The following RFX6 variants were observed in gnomAD, a reference collection of about 807,000 sequenced individuals.
The protein encoded by RFX6 is DNA-binding protein RFX6.
RFX6 carries 50 observed loss-of-function variants against 110.8 expected under a neutral mutation model. The ratio of observed to expected loss-of-function variants is 0.45; its 90% CI spans 0.36 to 0.57. RFX6 has a LOEUF of 0.57. Among genes scored for constraint, RFX6 ranks in the 20% least tolerant of loss-of-function variants. RFX6 has a pLI of 0.00. For synonymous variants in RFX6, 383 were observed against 411.2 expected (o/e 0.93, Z 0.83); for missense variants, 990 against 1,127.0 (o/e 0.88, Z 1.74).
intron 6 of RFX6, among the ~76,000 whole-genome samples, chr6:116,901,765 A>G (rs1775079412): frequency 6.6e-6 from 1 of 152,154 alleles, no homozygotes; most frequent in South Asian, 2.1e-4. Flanking sequence ...AGGAATATGG[A>G]CCAAAGGAAC....
Position 116,931,788 on chromosome 6 carries a change from GA to G in RFX6, c.*284del, listed in dbSNP as rs771897196. The G allele has an allele frequency of 6.5e-5, 20 of 306,140 alleles. No homozygotes were observed. The highest frequency in any genetic ancestry group is 1.7e-4 in the African/African-American group (8 of 46,294). The allele number at this position is 306,140 out of a possible 1,614,324, so 19.0% of individuals were successfully genotyped here. ...CTGAAGATGCAAACATTTCAACTAT[GA>G]AGATTTACATTTCACTTTCTAATTT... On this transcript the variant is annotated 3_prime_UTR_variant, in exon 19 of 19. Transcript: ENST00000332958.
chr6:116,893,299 T>G (rs1036655305), intron 4 of RFX6, among the ~76,000 whole-genome samples: 1 of 152,096 alleles, frequency 6.6e-6, no homozygotes, highest in African/African-American at 2.4e-5. Flanking sequence ...ATGTCAAGAG[T>G]TTGTGACTTA....
intron 6 of RFX6, among the ~76,000 whole-genome samples, chr6:116,909,433 T>C (rs1352146321): frequency 2.0e-5 from 3 of 152,002 alleles, no homozygotes; most frequent in Non-Finnish European, 4.4e-5. Context: ...TCTTGTTTCC[T>C]ATATTATTTT....
At chr6:116,882,317 A>G (rs1381419847) in intron 3 of RFX6, 50 bp from the exon 4 acceptor site, 1 of 1,388,758 alleles carries the variant, frequency 7.2e-7, no homozygotes, top group African/African-American at 1.4e-5. Flanking sequence ...AGTGGCTTGC[A>G]TTAGGACCAT....
In RFX6 at chr6:116,927,263, A is replaced by G; in HGVS notation, c.2122A>G (p.Arg708Gly). 6.2e-7 allele frequency: 1 copy of G among 1,614,228 alleles called. No homozygotes were observed. Among genetic ancestry groups the G allele is most frequent in the Admixed American group, 1.7e-5 (1 of 60,028 alleles). Residue 708 changes from arginine (R) to glycine (G), a missense_variant, in exon 17 of 19, where the codon AGG (arginine) becomes GGG (glycine). Around this residue, in one of 5 missense-constraint regions of RFX6, gnomAD observed 438 missense variants for 441.9 expected, o/e 0.99. Coordinates refer to ENST00000332958, the MANE Select transcript of RFX6 (RefSeq NM_173560.4). ...STSSNYQTVFRAQPHSTSGLY... is the reference protein window; with the variant it reads ...STSSNYQTVFGAQPHSTSGLY... ...CAGCTCTAACTACCAGACTGTGTTTAGGGCACAGCCCCACTCCACATCAGG... is the reference window on the plus strand; with the variant it reads ...CAGCTCTAACTACCAGACTGTGTTTGGGGCACAGCCCCACTCCACATCAGG...
chr6:116,887,290 G>A (rs925228361), intron 4 of RFX6, among the ~76,000 whole-genome samples: 4 of 151,934 alleles, frequency 2.6e-5, no homozygotes, highest in Non-Finnish European at 4.4e-5. Flanking sequence ...GTCAGGAAGC[G>A]TCACTCTAGG....
intron 4 of RFX6, chr6:116,885,007 G>C (rs1774669871): frequency 6.6e-6 from 1 of 152,102 alleles, no homozygotes; most frequent in Non-Finnish European, 1.5e-5. Flanking sequence ...TGTATATCTT[G>C]TAAATAGTAA....
chr6:116,900,683 G>T (rs1441216742), intron 6 of RFX6, among the ~76,000 whole-genome samples: 1 of 151,886 alleles, frequency 6.6e-6, no homozygotes, highest in East Asian at 1.9e-4. Context: ...AGAAAATGCA[G>T]ACAGAAAATT....
Position 116,927,320 on chromosome 6 carries a change from T to A in RFX6, c.2179T>A (p.Cys727Ser). The change falls in exon 17 of 19, where the codon TGC (cysteine) becomes AGC (serine). Residue 727 changes from cysteine to serine, a missense_variant. By Grantham distance (112) the Cys-to-Ser change is moderately radical. Transcript: ENST00000332958. Reference protein sequence around the residue: ...LYPHHTEHGRCMAWTEQQLSR... With the variant: ...LYPHHTEHGRSMAWTEQQLSR... ...TCCTCATCACACCGAGCATGGTCGA[T>A]GCATGGCTTGGACTGAACAGCAGCT... 1 of 1,614,224 alleles carries A rather than the reference T, an allele frequency of 6.2e-7. No individual in the cohort carries two copies. The highest frequency in any genetic ancestry group is 8.5e-7 in the Non-Finnish European group (1 of 1,180,018).
At position 116,877,256 on chromosome 6, in the gene RFX6, G is replaced by C. The variant is rs1774475807; in HGVS notation, c.-20G>C. 6.3e-7 allele frequency: 1 copy of C among 1,586,942 alleles called. No homozygotes were observed. Among genetic ancestry groups the C allele is most frequent in the Non-Finnish European group, 8.6e-7 (1 of 1,164,358 alleles). ...GAACCGGCCGAGCGGCGCGCGCGGA[G>C]GTGTCCGGCGGCCAGGAGGATGGCC... On this transcript the variant is annotated 5_prime_UTR_variant, in exon 1 of 19. Transcript: ENST00000332958.
chr6:116,896,364 C>T (rs1433099948), intron 6 of RFX6, among the ~76,000 whole-genome samples: 3 of 152,120 alleles, frequency 2.0e-5, no homozygotes, highest in Non-Finnish European at 4.4e-5. Flanking sequence ...ATAGCCTAAC[C>T]ATTTTCTGTG....
At chr6:116,893,782 A>T (rs1054758267) in intron 4 of RFX6, among the ~76,000 whole-genome samples, 5 of 152,242 alleles carry the variant, frequency 3.3e-5, no homozygotes, top group African/African-American at 1.2e-4. Context: ...GCCTAGAGTC[A>T]GAAATAACAA....
chr6:116,905,438 T>C (rs1775177174), intron 6 of RFX6, among the ~76,000 whole-genome samples: 1 of 152,230 alleles, frequency 6.6e-6, no homozygotes, highest in Non-Finnish European at 1.5e-5. Context: ...ATTCTGTATA[T>C]TAATCCCTTA....
In RFX6 at chr6:116,928,785, C is replaced by T. The variant is rs752205683; in HGVS notation, c.2425C>T (p.Pro809Ser). ...ATACTATGGAAGCAACATAAACTACCCAGAGTCTCACAGGCTCGGATCAAT... is the reference window on the plus strand; with the variant it reads ...ATACTATGGAAGCAACATAAACTACTCAGAGTCTCACAGGCTCGGATCAAT... ...NGYYGSNINYPESHRLGSMVN... is the reference protein window; with the variant it reads ...NGYYGSNINYSESHRLGSMVN... Residue 809 changes from proline (P) to serine (S), a missense_variant, in exon 18 of 19, where the codon CCA (proline) becomes TCA (serine). Physicochemically the swap from Pro to Ser is moderately conservative, Grantham distance 74. Around this residue, in one of 5 missense-constraint regions of RFX6, gnomAD observed 438 missense variants for 441.9 expected, o/e 0.99. Transcript: ENST00000332958. The T allele has an allele frequency of 1.2e-6, 2 of 1,613,524 alleles. No individual in the cohort carries two copies. The highest frequency in any genetic ancestry group is 2.2e-5 in the East Asian group (1 of 44,892).
At chr6:116,926,958 AT>A in intron 16 of RFX6, 68 bp from the exon 17 acceptor site, 1 of 1,368,610 alleles carries the variant, frequency 7.3e-7, no homozygotes, top group Non-Finnish European at 1.0e-6. Flanking sequence ...TCTTTTGAAT[AT>A]TTTTTAAAGA....
At chr6:116,929,305 A>G (rs1329791072) in intron 18 of RFX6, among the ~76,000 whole-genome samples, 1 of 152,248 alleles carries the variant, frequency 6.6e-6, no homozygotes, top group Non-Finnish European at 1.5e-5. Flanking sequence ...CAGTAATAAT[A>G]TCCTTTTCTC....
intron 2 of RFX6, 88 bp from the exon 3 acceptor site, chr6:116,880,455 TC>T: frequency 8.7e-7 from 1 of 1,148,548 alleles, no homozygotes; most frequent in Non-Finnish European, 1.3e-6. Context: ...ATTTATAGAG[TC>T]CATATTCAAA....
At chr6:116,901,767 C>T (rs1020717597) in intron 6 of RFX6, among the ~76,000 whole-genome samples, 3 of 151,874 alleles carry the variant, frequency 2.0e-5, no homozygotes, top group Non-Finnish European at 4.4e-5. Flanking sequence ...GAATATGGAC[C>T]AAAGGAACTC....
chr6:116,879,656 A>G (rs1774545637), intron 2 of RFX6, among the ~76,000 whole-genome samples: 1 of 151,912 alleles, frequency 6.6e-6, no homozygotes, highest in Non-Finnish European at 1.5e-5. Flanking sequence ...ATTATAATAA[A>G]TATTATCTTA....
Sources: gnomAD v4.1 joint callset for allele counts (sites outside exome capture counted in the v4.1 genomes callset) on GRCh38, gnomAD v4.1.1 for gene constraint, gnomAD v4.1.1 regional missense constraint, MANE v1.5 for transcripts, NCBI Gene and HGNC (gene_info 2026-07-23, HGNC 2026-07-21) for gene names.